Variants in SGPP2 observed in about 807,000 individuals in gnomAD.
SGPP2 encodes sphingosine-1-phosphate phosphatase 2.
SGPP2 carries 30 observed loss-of-function variants against 33.9 expected under a neutral mutation model. That is an observed-to-expected ratio of 0.89 (90% CI 0.66 to 1.20). The LOEUF (loss-of-function observed/expected upper bound fraction) is 1.20, where lower values mean the gene tolerates loss of function less well. SGPP2 is among the 50% of genes most tolerant of loss of function. The probability of loss-of-function intolerance (pLI) is 0.00; values close to 1 mark genes in which losing one functional copy is unlikely to be tolerated. For synonymous variants in SGPP2, 233 were observed against 225.0 expected (o/e 1.04, Z -0.32); for missense variants, 458 against 532.1 (o/e 0.86, Z 1.37).
At position 222,446,151 on chromosome 2, in the gene SGPP2, G is replaced by T. The variant is rs544782948; in HGVS notation, c.219+21330G>T. ...CCAGTCATTGTTAATTTTAAATCAG[G>T]GGGTAGCCTGAAGAGTGTTGATGAT... On this transcript the variant is annotated intron_variant, in intron 1 of 4. Coordinates refer to ENST00000321276, the MANE Select transcript of SGPP2 (RefSeq NM_152386.4). Among the ~76,000 whole-genome samples the T allele has an allele frequency of 1.6e-4, 24 of 152,234 alleles. No individual in the cohort carries two copies. The East Asian group carries it at 4.2e-3, about 27-fold the overall frequency.
rs763493934 is a variant in SGPP2 at position 222,460,927 on chromosome 2, C to T, written c.220-13641C>T. 1.3e-5 allele frequency among the ~76,000 whole-genome samples: 2 copies of T among 152,132 alleles called. No individual in the cohort carries two copies. Among genetic ancestry groups the T allele is most frequent in the East Asian group, 1.9e-4 (1 of 5,184 alleles). ...TTAAATTAATTAAGCAATGGGATCT[C>T]ACTCTGTTGCCCAGGCTGAAGTGCA... is the stretch of plus-strand genomic sequence containing the variant. On this transcript the variant is annotated intron_variant, in intron 1 of 4. Transcript: ENST00000321276. This position sits in a 1 kb window ranked among gnomAD's most constrained non-coding sequence, Gnocchi z 4.3.
intron 2 of SGPP2, among the ~76,000 whole-genome samples, chr2:222,514,935 C>A (rs943761872): frequency 6.6e-6 from 1 of 152,018 alleles, no homozygotes; most frequent in Non-Finnish European, 1.5e-5. Flanking sequence ...CATATTCCAT[C>A]CATTTCTTTC....
intron 1 of SGPP2, among the ~76,000 whole-genome samples, chr2:222,447,500 G>T (rs1002377086): frequency 6.6e-6 from 1 of 152,156 alleles, no homozygotes; most frequent in African/African-American, 2.4e-5. Flanking sequence ...TTTTGTTGGG[G>T]CAGTAAAGAA....
intron 2 of SGPP2, among the ~76,000 whole-genome samples, chr2:222,499,589 A>G (rs1698335110): frequency 6.6e-6 from 1 of 152,168 alleles, no homozygotes; most frequent in Non-Finnish European, 1.5e-5. Context: ...GAAGCAGAAA[A>G]GAGGACGTGT....
At chr2:222,547,679 C>T (rs1689225354) in intron 4 of SGPP2, among the ~76,000 whole-genome samples, 1 of 151,914 alleles carries the variant, frequency 6.6e-6, no homozygotes, top group African/African-American at 2.4e-5. Flanking sequence ...TTTAGCAAAC[C>T]AGCACCATTT....
chr2:222,518,630 T>G (rs1698640628), intron 2 of SGPP2, among the ~76,000 whole-genome samples: 1 of 152,146 alleles, frequency 6.6e-6, no homozygotes, highest in African/African-American at 2.4e-5. Context: ...TAGTTGTGGT[T>G]TTTACAGGTT....
In SGPP2 at chr2:222,463,199, A is replaced by G. The variant is rs563865152; in HGVS notation, c.220-11369A>G. Among the ~76,000 whole-genome samples the G allele has an allele frequency of 1.1e-3, 171 of 152,326 alleles. 1 individual carries two copies. The highest frequency in any genetic ancestry group is 3.8e-3 in the African/African-American group (156 of 41,574). ...ACTTAGTCTATTCCATCCCTGACTG[A>G]TCACGGATATCCACTACCACATATC... is the stretch of plus-strand genomic sequence containing the variant. On this transcript the variant is annotated intron_variant, in intron 1 of 4. Transcript: ENST00000321276.
At chr2:222,459,017 G>A (rs2106082503) in intron 1 of SGPP2, among the ~76,000 whole-genome samples, 1 of 152,206 alleles carries the variant, frequency 6.6e-6, no homozygotes, top group East Asian at 1.9e-4. Flanking sequence ...AATCACTCTG[G>A]AACCTGGTTA....
At chr2:222,451,015 A>G (rs1302401744) in intron 1 of SGPP2, among the ~76,000 whole-genome samples, 1 of 152,144 alleles carries the variant, frequency 6.6e-6, no homozygotes, top group Non-Finnish European at 1.5e-5. Flanking sequence ...AATATAGAAA[A>G]TGTATTTTGA....
At chr2:222,545,349 T>C (rs573362665) in intron 4 of SGPP2, among the ~76,000 whole-genome samples, 3 of 151,922 alleles carry the variant, frequency 2.0e-5, no homozygotes, top group African/African-American at 7.2e-5. Flanking sequence ...TGGCACAATC[T>C]TGGCTCACTG....
chr2:222,552,859 T>TCAAA (rs575149436), intron 4 of SGPP2, among the ~76,000 whole-genome samples: 2 of 151,972 alleles, frequency 1.3e-5, no homozygotes, highest in South Asian at 4.2e-4. Context: ...AAACTCCATC[T>TCAAA]CAAACAAACA....
intron 3 of SGPP2, among the ~76,000 whole-genome samples, chr2:222,523,060 C>T (rs1393769427): frequency 2.6e-5 from 4 of 152,148 alleles, no homozygotes; most frequent in Admixed American, 6.5e-5. Flanking sequence ...TGTCCCTTTA[C>T]CCCAGAAGCC....
chr2:222,469,087 G>T (rs576166330), intron 1 of SGPP2, among the ~76,000 whole-genome samples: 1 of 152,322 alleles, frequency 6.6e-6, no homozygotes, highest in South Asian at 2.1e-4. Flanking sequence ...GTAATAATGG[G>T]TAATAATAAT....
rs756276728 is a variant in SGPP2 at position 222,489,414 on chromosome 2, GA to G, written c.378+14701del. ...TTGACTGTTAATTAGAATGTATTAAGAAAAAAAAAAAAAGATCAGGGCTCAT... is the reference window on the plus strand; with the variant it reads ...TTGACTGTTAATTAGAATGTATTAAGAAAAAAAAAAAAGATCAGGGCTCAT... On this transcript the variant is annotated intron_variant, in intron 2 of 4. Transcript: ENST00000321276. Among the ~76,000 whole-genome samples, 577 of 134,388 alleles carry G rather than the reference GA, an allele frequency of 4.3e-3. 2 individuals are homozygous for G. Among genetic ancestry groups the G allele is most frequent in the African/African-American group, 0.011 (393 of 36,862 alleles). The allele number at this position is 134,388 out of a possible 152,430, so 88.2% of individuals were successfully genotyped here.
intron 1 of SGPP2, among the ~76,000 whole-genome samples, chr2:222,450,520 C>T (rs1697468397): frequency 6.6e-6 from 1 of 152,102 alleles, no homozygotes. Flanking sequence ...CAATTGTTAC[C>T]CTCAGGTAGG....
chr2:222,426,203 C>T (rs1254962657), intron 1 of SGPP2, among the ~76,000 whole-genome samples: 1 of 119,460 alleles, frequency 8.4e-6, no homozygotes, highest in Non-Finnish European at 1.7e-5. Context: ...GAGCGAGACT[C>T]CGTCTCAAAA....
chr2:222,541,840 G>A lies in SGPP2; in HGVS notation c.649-16507G>A, dbSNP rs187627495. Among the ~76,000 whole-genome samples the A allele has an allele frequency of 1.6e-3, 245 of 152,174 alleles. 1 individual carries two copies. Among genetic ancestry groups the A allele is most frequent in the Non-Finnish European group, 1.1e-3 (73 of 68,016 alleles). ...TGGTCTTGAACTCCTGACCTCAAGT[G>A]ATCCACCCACCCCGGCCTCCCAAAG... On this transcript the variant is annotated intron_variant, in intron 4 of 4. Coordinates refer to ENST00000321276, the MANE Select transcript of SGPP2 (RefSeq NM_152386.4).
At position 222,477,162 on chromosome 2, in the gene SGPP2, T is replaced by C. The variant is rs906035034; in HGVS notation, c.378+2436T>C. 6.6e-6 allele frequency among the ~76,000 whole-genome samples: 1 copy of C among 151,786 alleles called. No homozygotes were observed. The highest frequency in any genetic ancestry group is 1.5e-5 in the Non-Finnish European group (1 of 67,874). ...AGGTGTGTATATATCTGTGTGTGTG[T>C]ATAGGTGTGTGTATATGTGTATGTG... On this transcript the variant is annotated intron_variant, in intron 2 of 4. Transcript: ENST00000321276. The surrounding 1 kb of genome is among the most constrained non-coding windows in gnomAD (Gnocchi z 6.0).
At chr2:222,474,811 T>TTTA in intron 2 of SGPP2, 85 bp downstream of exon 2, 2 of 1,042,726 alleles carry the variant, frequency 1.9e-6, no homozygotes, top group Non-Finnish European at 2.5e-6. Flanking sequence ...AAATATGTTC[T>TTTA]TTCTTTTTTT....
Sources: allele counts gnomAD v4.1 joint callset (sites outside exome capture counted in the v4.1 genomes callset), GRCh38; gene constraint gnomAD v4.1.1; non-coding constraint Gnocchi (gnomAD v3.1); transcripts MANE v1.5; gene names NCBI Gene and HGNC (gene_info 2026-07-23, HGNC 2026-07-21).